Variants in CNTNAP5 observed in about 807,000 individuals in gnomAD.
The protein encoded by CNTNAP5 is contactin associated protein family member 5.
Under a neutral mutation model 150.2 loss-of-function variants are expected in CNTNAP5, and 72 were observed. The observed-to-expected ratio is 0.48, with a 90% CI of 0.40 to 0.58. The LOEUF is 0.58. Among genes scored for constraint, CNTNAP5 ranks in the 20% least tolerant of loss-of-function variants. The pLI, the probability that CNTNAP5 is intolerant of heterozygous loss-of-function variation, is 0.00. For synonymous variants in CNTNAP5, 672 were observed against 619.8 expected, an observed-to-expected ratio of 1.08 and a Z score of -1.25; for missense variants, 1,636 against 1,626.2, an observed-to-expected ratio of 1.01 and a Z score of -0.10.
intron 8 of CNTNAP5, among the ~76,000 whole-genome samples, chr2:124,517,977 G>A (rs1182980196): frequency 6.6e-6 from 1 of 151,670 alleles, no homozygotes; most frequent in African/African-American, 2.4e-5. Context: ...TGATGATGGA[G>A]GGTTGTGATG....
At position 124,142,132 on chromosome 2, in the gene CNTNAP5, T is replaced by C. The variant is rs868662514; in HGVS notation, c.83-79573T>C. ...GCACCCAATACAGGAGCACCCAGAT[T>C]CATAAAGCAAGTCCTGAGTGACCTA... On this transcript the variant is annotated intron_variant, in intron 1 of 23. Transcript: ENST00000682447. Among the ~76,000 whole-genome samples, 302 of 136,130 alleles carry C rather than the reference T, an allele frequency of 2.2e-3. 5 individuals carry two copies. In the South Asian group the frequency reaches 0.027, roughly 12 times the overall value. 89.3% of individuals were successfully genotyped at this position (136,130 alleles called of 152,430 possible).
At chr2:124,150,726 G>T (rs924193413) in intron 1 of CNTNAP5, among the ~76,000 whole-genome samples, 4 of 152,096 alleles carry the variant, frequency 2.6e-5, no homozygotes. Context: ...TTCTTATCAG[G>T]ATACTAATTT....
chr2:124,331,158 T>C (rs185016408), intron 3 of CNTNAP5, among the ~76,000 whole-genome samples: 1 of 152,150 alleles, frequency 6.6e-6, no homozygotes, highest in Admixed American at 6.6e-5. Flanking sequence ...TAATTCCCTA[T>C]AAAAAAGCTT....
intron 19 of CNTNAP5, among the ~76,000 whole-genome samples, chr2:124,814,780 T>G (rs1193110247): frequency 6.6e-6 from 1 of 151,656 alleles, no homozygotes; most frequent in African/African-American, 2.4e-5. Context: ...TAAAAATGGA[T>G]TGCACTCTTC....
chr2:124,209,442 G>T (rs1331345501), intron 1 of CNTNAP5, among the ~76,000 whole-genome samples: 1 of 152,202 alleles, frequency 6.6e-6, no homozygotes, highest in East Asian at 1.9e-4. Flanking sequence ...AGGACAAATG[G>T]TAATGACAAA....
At chr2:124,394,656 C>A (rs916348232) in intron 3 of CNTNAP5, among the ~76,000 whole-genome samples, 3 of 152,174 alleles carry the variant, frequency 2.0e-5, no homozygotes, top group Non-Finnish European at 4.4e-5. Context: ...GCCTTTCATT[C>A]TTTTAACAGC....
chr2:124,218,475 G>A (rs1237135876), intron 1 of CNTNAP5, among the ~76,000 whole-genome samples: 1 of 152,120 alleles, frequency 6.6e-6, no homozygotes, highest in Admixed American at 6.6e-5. Context: ...TTAGGGACAG[G>A]AGATCAAAAG....
chr2:124,886,101 G>C (rs551787138), intron 21 of CNTNAP5, among the ~76,000 whole-genome samples: 5 of 152,034 alleles, frequency 3.3e-5, no homozygotes, highest in African/African-American at 1.2e-4. Flanking sequence ...CATTCTCCTT[G>C]TCAAAACAAA....
At chr2:124,756,953 A>G (rs991497216) in intron 14 of CNTNAP5, among the ~76,000 whole-genome samples, 6 of 152,194 alleles carry the variant, frequency 3.9e-5, no homozygotes, top group Non-Finnish European at 8.8e-5. Flanking sequence ...AAAAGAAACT[A>G]AAGGGGAAAG....
chr2:124,451,589 G>A (rs559908470), intron 6 of CNTNAP5, among the ~76,000 whole-genome samples: 1 of 152,152 alleles, frequency 6.6e-6, no homozygotes, highest in South Asian at 2.1e-4. Flanking sequence ...GTGGAGACTC[G>A]CATCGTGAAC....
intron 3 of CNTNAP5, among the ~76,000 whole-genome samples, chr2:124,333,811 G>A (rs1477678197): frequency 6.6e-6 from 1 of 152,112 alleles, no homozygotes; most frequent in Admixed American, 6.6e-5. Context: ...GTAACTGGAA[G>A]GCAAAGTACT....
At chr2:124,560,518 CAAAAAAAAA>C (rs11285774) in intron 10 of CNTNAP5, among the ~76,000 whole-genome samples, 1 of 126,952 alleles carries the variant, frequency 7.9e-6, no homozygotes, top group African/African-American at 2.9e-5. Flanking sequence ...GACTCCATTT[CAAAAAAAAA>C]AAAAAAAAAC....
intron 6 of CNTNAP5, among the ~76,000 whole-genome samples, chr2:124,467,105 C>G (rs1693395341): frequency 6.6e-6 from 1 of 152,150 alleles, no homozygotes; most frequent in Non-Finnish European, 1.5e-5. Context: ...AAAACACATA[C>G]TAACCCCATG....
intron 7 of CNTNAP5, among the ~76,000 whole-genome samples, chr2:124,503,441 T>C (rs566112540): frequency 7.9e-4 from 120 of 152,366 alleles, no homozygotes; most frequent in Non-Finnish European, 1.5e-3. Context: ...GGCATTCCCC[T>C]TGTGGGATCC....
At chr2:124,852,118 G>T (rs1421787082) in intron 19 of CNTNAP5, among the ~76,000 whole-genome samples, 1 of 152,120 alleles carries the variant, frequency 6.6e-6, no homozygotes, top group Non-Finnish European at 1.5e-5. Flanking sequence ...AGAAAGGGAA[G>T]AGATTGTAGT....
intron 3 of CNTNAP5, among the ~76,000 whole-genome samples, chr2:124,359,138 A>C (rs1331544193): frequency 1.3e-5 from 2 of 152,084 alleles, no homozygotes; most frequent in Non-Finnish European, 2.9e-5. Context: ...TTTCTGTGGG[A>C]TCGGCGGTGA....
At chr2:124,429,816 G>C (rs1692326243) in intron 4 of CNTNAP5, among the ~76,000 whole-genome samples, 1 of 152,158 alleles carries the variant, frequency 6.6e-6, no homozygotes, top group African/African-American at 2.4e-5. Flanking sequence ...TGGTAAGCTG[G>C]CTCTGAATGG....
At chr2:124,367,752 A>G (rs1443581942) in intron 3 of CNTNAP5, among the ~76,000 whole-genome samples, 1 of 152,210 alleles carries the variant, frequency 6.6e-6, no homozygotes, top group South Asian at 2.1e-4. Context: ...CCTGACGTGA[A>G]GGAAAATTAC....
intron 12 of CNTNAP5, among the ~76,000 whole-genome samples, chr2:124,638,378 C>T (rs1678016582): frequency 6.6e-6 from 1 of 151,900 alleles, no homozygotes. Flanking sequence ...TAAAGATTTC[C>T]TTGAATTTTA....
Sources: gnomAD v4.1 joint callset for allele counts (sites outside exome capture counted in the v4.1 genomes callset) on GRCh38, gnomAD v4.1.1 for gene constraint, MANE v1.5 for transcripts, NCBI Gene and HGNC (gene_info 2026-07-23, HGNC 2026-07-21) for gene names.